PMS1: variants seen among roughly 807,000 people sequenced by gnomAD.
The protein encoded by PMS1 is PMS1 protein homolog 1.
A neutral mutation model predicts 93.1 loss-of-function variants in PMS1; 79 were observed. That is an observed-to-expected ratio of 0.85 (90% CI 0.71 to 1.02). The LOEUF (loss-of-function observed/expected upper bound fraction) is 1.02. PMS1 is among the 50% of genes least tolerant of loss of function. PMS1 has a pLI of 0.00. For missense variants in PMS1, 1,064 were observed against 1,085.3 expected, an observed-to-expected ratio of 0.98 and a Z score of 0.28; for synonymous variants, 335 against 363.4, an observed-to-expected ratio of 0.92 and a Z score of 0.89.
At chr2:189,852,816 A>C in intron 7 of PMS1, 39 bp downstream of exon 7, 1 of 1,329,218 alleles carries the variant, frequency 7.5e-7, no homozygotes, top group South Asian at 1.2e-5. Context: ...TTGAATTGGA[A>C]ATTTGTCACA....
At chr2:189,833,873 A>G (rs5743083) in intron 5 of PMS1, among the ~76,000 whole-genome samples, 148 of 152,324 alleles carry the variant, frequency 9.7e-4, no homozygotes, top group African/African-American at 3.4e-3. Context: ...GGAAAAAATT[A>G]TAGAACTTTC....
At chr2:189,798,473 T>C (rs1559221167) in intron 3 of PMS1, among the ~76,000 whole-genome samples, 1 of 152,230 alleles carries the variant, frequency 6.6e-6, no homozygotes, top group Non-Finnish European at 1.5e-5. Flanking sequence ...TCTAGCACAC[T>C]GTGTACTTCT....
In PMS1 at chr2:189,795,787, A is replaced by G; in HGVS notation, c.151A>G (p.Lys51Glu). ...DVKLENYGFD[K>E]IEVRDNGEGI... ...TTTATAGGAGAACTATGGATTTGAT[A>G]AAATTGAGGTGCGAGATAACGGGGA... The change falls in exon 3 of 13, where the codon AAA becomes GAA. Residue 51 changes from lysine to glutamate, a missense_variant. Physicochemically the swap from Lys to Glu is moderately conservative, Grantham distance 56. Transcript: ENST00000441310. 2 of 1,613,694 alleles carry G rather than the reference A, an allele frequency of 1.2e-6. No homozygotes were observed. Among genetic ancestry groups the G allele is most frequent in the Non-Finnish European group, 1.7e-6 (2 of 1,179,556 alleles).
intron 5 of PMS1, among the ~76,000 whole-genome samples, chr2:189,830,397 A>G (rs1411981021): frequency 6.6e-6 from 1 of 152,070 alleles, no homozygotes; most frequent in Non-Finnish European, 1.5e-5. Flanking sequence ...CCCTCAAGTA[A>G]CTGGTTCAAT....
chr2:189,857,658 G>T (rs1415377160), intron 9 of PMS1, among the ~76,000 whole-genome samples: 1 of 151,502 alleles, frequency 6.6e-6, no homozygotes, highest in Non-Finnish European at 1.5e-5. Context: ...AAATATTAAG[G>T]GTTTTCTGCA....
intron 5 of PMS1, among the ~76,000 whole-genome samples, chr2:189,826,897 A>T (rs2106356928): frequency 6.6e-6 from 1 of 152,250 alleles, no homozygotes; most frequent in Non-Finnish European, 1.5e-5. Flanking sequence ...AGTTTTAAAC[A>T]CTCTGGCCTC....
chr2:189,787,786 T>A (rs576985127), intron 1 of PMS1, among the ~76,000 whole-genome samples: 6 of 152,218 alleles, frequency 3.9e-5, no homozygotes, highest in Non-Finnish European at 8.8e-5. Context: ...TTAAACTTTC[T>A]AAAACTCAAT....
At chr2:189,821,184 C>CA (rs1286855664) in intron 5 of PMS1, among the ~76,000 whole-genome samples, 5 of 152,146 alleles carry the variant, frequency 3.3e-5, no homozygotes, top group Admixed American at 3.3e-4. Flanking sequence ...GGGCTGGGCG[C>CA]AGTGGCTCAC....
In PMS1 at chr2:189,877,007, G is replaced by A. The variant is rs12617026; in HGVS notation, c.2635-265G>A. Among the ~76,000 whole-genome samples, 260 of 151,958 alleles carry A rather than the reference G, an allele frequency of 1.7e-3. 7 individuals are homozygous for A. In the East Asian group the frequency reaches 0.049, roughly 29 times the overall value. On this transcript the variant is annotated intron_variant, in intron 12 of 12. Coordinates refer to ENST00000441310, the MANE Select transcript of PMS1 (RefSeq NM_000534.5). ...ATCATGTGGCCCAGTTTAATTTTAC[G>A]CATTATTTATTGACTAAAATGTTCT...
At chr2:189,794,786 G>A (rs1436780699) in intron 2 of PMS1, among the ~76,000 whole-genome samples, 1 of 152,032 alleles carries the variant, frequency 6.6e-6, no homozygotes, top group Non-Finnish European at 1.5e-5. Flanking sequence ...ATAAAACTAA[G>A]CTATGAATTG....
At chr2:189,785,694 G>T (rs984152247) in intron 1 of PMS1, among the ~76,000 whole-genome samples, 1 of 146,436 alleles carries the variant, frequency 6.8e-6, no homozygotes, top group Non-Finnish European at 1.5e-5. Context: ...TAATCTGTTG[G>T]CAGGTGAAGG....
intron 4 of PMS1, 60 bp from the exon 5 acceptor site, chr2:189,817,957 T>C: frequency 3.2e-6 from 4 of 1,249,860 alleles, no homozygotes; most frequent in Non-Finnish European, 4.7e-6. Context: ...TGTATACGGA[T>C]TTGAAGATCT....
chr2:189,791,238 G>T (rs577430831), intron 1 of PMS1, among the ~76,000 whole-genome samples: 53 of 152,184 alleles, frequency 3.5e-4, no homozygotes, highest in African/African-American at 1.3e-3. Context: ...GATGACCTTG[G>T]ACAAGTTTTC....
chr2:189,870,053 C>T (rs1329642072), intron 11 of PMS1, among the ~76,000 whole-genome samples: 1 of 149,822 alleles, frequency 6.7e-6, no homozygotes, highest in Admixed American at 6.7e-5. Flanking sequence ...TGTAAACTGA[C>T]TTGATTTGAT....
chr2:189,848,627 G>GT (rs1313843285), intron 6 of PMS1, among the ~76,000 whole-genome samples: 16 of 151,154 alleles, frequency 1.1e-4, no homozygotes, highest in Non-Finnish European at 1.8e-4. Context: ...CCTCTATGTG[G>GT]TTTTTTTTTC....
rs5743016 is a variant in PMS1 at position 189,805,637 on chromosome 2, GT to G, written c.316-8del. The stretch of plus-strand genomic sequence containing the variant: ...ATCTAAAGTGTTAGTTTTATTAGAT[GT>G]TTTTTTCCCCCAGGTTTTAATTACA... On this transcript the variant is annotated splice_polypyrimidine_tract_variant and intron_variant, in intron 3 of 12. Coordinates refer to ENST00000441310, the MANE Select transcript of PMS1 (RefSeq NM_000534.5). 3.1e-5 allele frequency: 50 copies of G among 1,597,988 alleles called. No homozygotes were observed. Among genetic ancestry groups the G allele is most frequent in the Admixed American group, 5.0e-5 (3 of 59,960 alleles).
chr2:189,816,883 A>C (rs1423702185), intron 4 of PMS1, among the ~76,000 whole-genome samples: 1 of 151,870 alleles, frequency 6.6e-6, no homozygotes, highest in Non-Finnish European at 1.5e-5. Context: ...GCTAATCAAA[A>C]CAAAATGTCA....
rs139009495 is a variant in PMS1, at chr2:189,809,057, T to C, written c.418+3303T>C. On this transcript the variant is annotated intron_variant, in intron 4 of 12. Coordinates refer to ENST00000441310, the MANE Select transcript of PMS1 (RefSeq NM_000534.5). ...TAGTATTTAAAGGGCTGTGATCATT[T>C]TCCTACCCTGTTACTAGAGTTTCAG... is the stretch of plus-strand genomic sequence containing the variant. Among the ~76,000 whole-genome samples, 49 of 152,334 alleles carry C rather than the reference T, an allele frequency of 3.2e-4. No individual in the cohort carries two copies. In the East Asian group the frequency reaches 7.3e-3, roughly 23 times the overall value.
intron 6 of PMS1, among the ~76,000 whole-genome samples, chr2:189,845,933 G>A (rs548140432): frequency 6.6e-6 from 1 of 151,724 alleles, no homozygotes; most frequent in South Asian, 2.1e-4. Flanking sequence ...CATGTTGGCC[G>A]GGCTGGTCTC....
Sources: allele counts gnomAD v4.1 joint callset (sites outside exome capture counted in the v4.1 genomes callset), GRCh38; gene constraint gnomAD v4.1.1; transcripts MANE v1.5; gene names NCBI Gene and HGNC (gene_info 2026-07-23, HGNC 2026-07-21).